Variants in CSMD3 observed in about 807,000 individuals in gnomAD.
CSMD3 encodes the protein CUB and Sushi multiple domains 3.
Under a neutral mutation model 435.2 loss-of-function variants are expected in CSMD3, and 177 were observed. The observed-to-expected ratio is 0.41, with a 90% CI of 0.36 to 0.46. The LOEUF (loss-of-function observed/expected upper bound fraction) is 0.46, where lower values mean the gene tolerates loss of function less well. Ranked by LOEUF, CSMD3 falls within the 20% of genes least tolerant of loss-of-function variation. CSMD3 has a pLI of 0.34. For synonymous variants in CSMD3, 1,656 were observed against 1,520.5 expected (o/e 1.09, Z -2.07); for missense variants, 4,265 against 4,504.6 (o/e 0.95, Z 1.52).
chr8:112,934,665 A>G (rs1298230894), intron 9 of CSMD3, among the ~76,000 whole-genome samples: 1 of 152,120 alleles, frequency 6.6e-6, no homozygotes, highest in East Asian at 1.9e-4. Flanking sequence ...TAGAACATAA[A>G]TTCATAAGTT....
At chr8:112,328,015 C>T (rs188918481) in intron 45 of CSMD3, among the ~76,000 whole-genome samples, 104 of 152,288 alleles carry the variant, frequency 6.8e-4, no homozygotes, top group African/African-American at 2.2e-3. Flanking sequence ...ATTGCCATTC[C>T]TTCTCCAAAC....
At chr8:112,232,081 G>C (rs1813141182) in intron 68 of CSMD3, among the ~76,000 whole-genome samples, 1 of 152,122 alleles carries the variant, frequency 6.6e-6, no homozygotes, top group Admixed American at 6.5e-5. Context: ...GTGGGGATTG[G>C]GATTGACAAT....
intron 4 of CSMD3, among the ~76,000 whole-genome samples, chr8:113,129,974 CAT>C (rs974819630): frequency 7.9e-5 from 12 of 151,396 alleles, no homozygotes; most frequent in African/African-American, 2.2e-4. Flanking sequence ...AACTTATTTA[CAT>C]ATATATATAA....
chr8:113,158,291 G>GAAAC (rs2091971899), intron 4 of CSMD3, among the ~76,000 whole-genome samples: 1 of 151,946 alleles, frequency 6.6e-6, no homozygotes, highest in Non-Finnish European at 1.5e-5. Flanking sequence ...TGAGTGTAGG[G>GAAAC]GCAGCAAAAG....
intron 32 of CSMD3, among the ~76,000 whole-genome samples, chr8:112,449,454 G>T (rs1197895165): frequency 2.0e-5 from 3 of 152,022 alleles, no homozygotes; most frequent in Non-Finnish European, 4.4e-5. Context: ...ATTGACAGGA[G>T]CCTGATGATG....
intron 31 of CSMD3, among the ~76,000 whole-genome samples, chr8:112,491,694 C>CT (rs1162263464): frequency 6.6e-6 from 1 of 152,034 alleles, no homozygotes; most frequent in Non-Finnish European, 1.5e-5. Flanking sequence ...TTAAAGTATA[C>CT]TTTTTTCCTA....
intron 3 of CSMD3, among the ~76,000 whole-genome samples, chr8:113,203,226 T>C (rs2092732747): frequency 6.6e-6 from 1 of 152,164 alleles, no homozygotes; most frequent in South Asian, 2.1e-4. Flanking sequence ...CATCACTATG[T>C]AGCCCATGAA....
At chr8:112,275,285 C>T (rs375747137) in intron 59 of CSMD3, among the ~76,000 whole-genome samples, 6 of 152,124 alleles carry the variant, frequency 3.9e-5, no homozygotes, top group Admixed American at 6.6e-5. Context: ...CGGTGGCTCT[C>T]GCCTGTAACC....
chr8:112,429,476 G>T (rs1813431352), intron 32 of CSMD3, among the ~76,000 whole-genome samples: 1 of 152,032 alleles, frequency 6.6e-6, no homozygotes, highest in African/African-American at 2.4e-5. Flanking sequence ...CTGTGGTCTA[G>T]CATGAAAGAC....
intron 1 of CSMD3, among the ~76,000 whole-genome samples, chr8:113,367,005 T>C (rs1254500321): frequency 1.3e-5 from 2 of 151,992 alleles, no homozygotes; most frequent in Admixed American, 6.6e-5. Flanking sequence ...TTTCAAAATA[T>C]GTTGAAATGA....
At chr8:112,492,829 T>G in intron 30 of CSMD3, 146 bp from the exon 31 acceptor site, 1 of 700,714 alleles carries the variant, frequency 1.4e-6, no homozygotes, top group South Asian at 1.6e-5. Context: ...TATACAGACT[T>G]TTTTTGTCAT....
At chr8:113,153,324 T>C (rs960801075) in intron 4 of CSMD3, among the ~76,000 whole-genome samples, 2 of 151,976 alleles carry the variant, frequency 1.3e-5, no homozygotes, top group African/African-American at 4.8e-5. Context: ...GCACTTTCTT[T>C]GGTTGGAATC....
At chr8:113,355,722 T>TATATA (rs1563737826) in intron 1 of CSMD3, among the ~76,000 whole-genome samples, 1 of 77,816 alleles carries the variant, frequency 1.3e-5, no homozygotes, top group African/African-American at 4.6e-5. Context: ...AGTTTTATTT[T>TATATA]TATATATATA....
At chr8:112,673,515 T>A (rs2075704595) in intron 16 of CSMD3, among the ~76,000 whole-genome samples, 1 of 152,134 alleles carries the variant, frequency 6.6e-6, no homozygotes, top group Admixed American at 6.6e-5. Context: ...CATTGTTAGA[T>A]ATAAATATAT....
intron 17 of CSMD3, among the ~76,000 whole-genome samples, chr8:112,661,799 G>T (rs1026059514): frequency 1.3e-5 from 2 of 151,892 alleles, no homozygotes; most frequent in Admixed American, 6.6e-5. Flanking sequence ...GTCTTCATAA[G>T]AAAACACTGC....
At chr8:112,544,148 T>A (rs949429446) in intron 27 of CSMD3, among the ~76,000 whole-genome samples, 3 of 152,192 alleles carry the variant, frequency 2.0e-5, no homozygotes, top group East Asian at 3.9e-4. Context: ...GGACCTGCTA[T>A]ATAGTGTTGT....
At chr8:112,836,701 C>T (rs1032295200) in intron 11 of CSMD3, among the ~76,000 whole-genome samples, 6 of 151,784 alleles carry the variant, frequency 4.0e-5, no homozygotes, top group Non-Finnish European at 7.4e-5. Context: ...AACCTAGGAA[C>T]GGTGTTTTTC....
At chr8:112,709,141 A>G (rs536276179) in intron 13 of CSMD3, among the ~76,000 whole-genome samples, 1 of 152,226 alleles carries the variant, frequency 6.6e-6, no homozygotes, top group South Asian at 2.1e-4. Flanking sequence ...GCCAACAAAC[A>G]CACACAAAAA....
At chr8:112,378,800 T>C (rs901530935) in intron 38 of CSMD3, among the ~76,000 whole-genome samples, 3 of 152,076 alleles carry the variant, frequency 2.0e-5, no homozygotes, top group Non-Finnish European at 4.4e-5. Flanking sequence ...GAAGAAAGAT[T>C]TGAAATGTTC....
Sources: allele counts gnomAD v4.1 joint callset (sites outside exome capture counted in the v4.1 genomes callset), GRCh38; gene constraint gnomAD v4.1.1; transcripts MANE v1.5; gene names NCBI Gene and HGNC (gene_info 2026-07-23, HGNC 2026-07-21).